The following METTL15 variants were observed in gnomAD, a reference collection of about 807,000 sequenced individuals.
METTL15 encodes 12S rRNA N(4)-cytidine methyltransferase METTL15.
A neutral mutation model predicts 38.3 loss-of-function variants in METTL15; 34 were observed. That is an observed-to-expected ratio of 0.89 (90% CI 0.68 to 1.18). The LOEUF is 1.18. METTL15 is among the 50% of genes most tolerant of loss of function. The pLI is 0.00. For missense variants in METTL15, 438 were observed against 498.4 expected (o/e 0.88, Z 1.15); for synonymous variants, 162 against 170.9 (o/e 0.95, Z 0.41).
intron 3 of METTL15, among the ~76,000 whole-genome samples, chr11:28,342,759 C>A (rs1849964318): frequency 6.6e-6 from 1 of 152,140 alleles, no homozygotes; most frequent in Non-Finnish European, 1.5e-5. Context: ...AACTGATTCA[C>A]CTAAATGGGA....
chr11:28,121,608 T>C (rs1379214152), intron 3 of METTL15, among the ~76,000 whole-genome samples: 2 of 152,158 alleles, frequency 1.3e-5, no homozygotes, highest in African/African-American at 4.8e-5. Flanking sequence ...TAGAAGCGAA[T>C]TATCTTTTTG....
At chr11:28,265,127 T>C (rs769502620) in intron 4 of METTL15, among the ~76,000 whole-genome samples, 2 of 152,094 alleles carry the variant, frequency 1.3e-5, no homozygotes, top group African/African-American at 2.4e-5. Context: ...TTATGAAAGA[T>C]GGCTGCTACC....
chr11:28,258,019 T>C (rs956765796), intron 4 of METTL15, among the ~76,000 whole-genome samples: 19 of 152,208 alleles, frequency 1.2e-4, no homozygotes, highest in African/African-American at 4.1e-4. Context: ...TTTGTACCCA[T>C]CTTTCTTGGG....
intron 5 of METTL15, among the ~76,000 whole-genome samples, chr11:28,395,250 A>G (rs538660079): frequency 2.6e-5 from 4 of 152,240 alleles, no homozygotes; most frequent in African/African-American, 9.6e-5. Context: ...AGATTCTGAT[A>G]TTCAGAGGTG....
At chr11:28,129,668 C>A (rs1852670909) in intron 3 of METTL15, among the ~76,000 whole-genome samples, 1 of 152,150 alleles carries the variant, frequency 6.6e-6, no homozygotes, top group South Asian at 2.1e-4. Context: ...TCTGTGCCTT[C>A]CAAAGTGCTG....
chr11:28,326,771 T>C (rs1001457071), intron 6 of METTL15, among the ~76,000 whole-genome samples: 2 of 151,786 alleles, frequency 1.3e-5, no homozygotes, highest in South Asian at 2.1e-4. Context: ...GTTTTTGTTT[T>C]TGTTTTTGTT....
chr11:28,188,567 C>T (rs116122413), intron 3 of METTL15, among the ~76,000 whole-genome samples: 192 of 151,176 alleles, frequency 1.3e-3, no homozygotes, highest in African/African-American at 4.4e-3. Flanking sequence ...ATTGTTGAAT[C>T]TAAGTACTGA....
intron 5 of METTL15, among the ~76,000 whole-genome samples, chr11:28,424,057 T>G (rs915926633): frequency 2.0e-5 from 3 of 152,118 alleles, no homozygotes; most frequent in African/African-American, 4.8e-5. Flanking sequence ...CCTAGCCATA[T>G]GCTTTGCATT....
chr11:28,109,444 T>A (rs201696593), intron 1 of METTL15, among the ~76,000 whole-genome samples: 6 of 152,216 alleles, frequency 3.9e-5, no homozygotes, highest in African/African-American at 1.2e-4. Flanking sequence ...GGTCTCTCAG[T>A]TAATTCTCAA....
intron 6 of METTL15, among the ~76,000 whole-genome samples, chr11:28,314,990 T>C (rs1295366029): frequency 2.0e-5 from 3 of 152,200 alleles, no homozygotes; most frequent in Non-Finnish European, 4.4e-5. Context: ...ATTAAACCTC[T>C]TTCTTCTGTA....
chr11:28,152,685 A>G (rs894517044), intron 3 of METTL15, among the ~76,000 whole-genome samples: 1 of 152,026 alleles, frequency 6.6e-6, no homozygotes, highest in African/African-American at 2.4e-5. Flanking sequence ...ATATAAAATG[A>G]TGTCATATTT....
chr11:28,454,385 G>T (rs571833689), intron 6 of METTL15, among the ~76,000 whole-genome samples: 45 of 152,318 alleles, frequency 3.0e-4, no homozygotes, highest in Admixed American at 9.8e-4. Flanking sequence ...CAGCTGTACT[G>T]ATATGCTTCT....
intron 4 of METTL15, among the ~76,000 whole-genome samples, chr11:28,233,346 T>C (rs1853772916): frequency 6.6e-6 from 1 of 152,096 alleles, no homozygotes; most frequent in Non-Finnish European, 1.5e-5. Flanking sequence ...AATATGAAAA[T>C]ACATGTTTAA....
chr11:28,405,045 A>T (rs1424016514), intron 5 of METTL15, among the ~76,000 whole-genome samples: 1 of 152,162 alleles, frequency 6.6e-6, no homozygotes, highest in Non-Finnish European at 1.5e-5. Context: ...TCTAGTTTAA[A>T]TCATTCATTG....
At position 28,254,396 on chromosome 11, in the gene METTL15, T is replaced by A. The variant is rs549216541; in HGVS notation, c.408-35810T>A. Among the ~76,000 whole-genome samples the A allele has an allele frequency of 2.0e-5, 3 of 152,306 alleles. No individual in the cohort carries two copies. The South Asian group carries it at 6.2e-4, about 32-fold the overall frequency. ...TTCTGGTTGTTAATCCCTTGTCAGG[T>A]GGGTAGTTCATAAAGTATTTTCTTC... is the stretch of plus-strand genomic sequence containing the variant. On this transcript the variant is annotated intron_variant, in intron 4 of 6. Coordinates refer to ENST00000407364, the MANE Select transcript of METTL15 (RefSeq NM_001113528.2).
chr11:28,337,116 G>T (rs1481962388), downstream of METTL15, among the ~76,000 whole-genome samples: 1 of 152,034 alleles, frequency 6.6e-6, no homozygotes, highest in Non-Finnish European at 1.5e-5. Context: ...TATAGAAAAA[G>T]ATATAAAGAA....
At chr11:28,327,121 C>CA (rs1206704757) in intron 6 of METTL15, among the ~76,000 whole-genome samples, 1 of 152,026 alleles carries the variant, frequency 6.6e-6, no homozygotes, top group Non-Finnish European at 1.5e-5. Context: ...AGAGAAGTAC[C>CA]AAAAAAGCTC....
At chr11:28,435,150 C>T (rs1451446334) in intron 6 of METTL15, among the ~76,000 whole-genome samples, 1 of 152,182 alleles carries the variant, frequency 6.6e-6, no homozygotes, top group East Asian at 1.9e-4. Flanking sequence ...ATACATTCCT[C>T]CTTTCCCAGG....
chr11:28,418,470 G>C (rs1850791756), intron 5 of METTL15, among the ~76,000 whole-genome samples: 1 of 152,124 alleles, frequency 6.6e-6, no homozygotes, highest in African/African-American at 2.4e-5. Flanking sequence ...ACTAGAGGTT[G>C]GATGCCATAG....
Sources: gnomAD v4.1 joint callset for allele counts (sites outside exome capture counted in the v4.1 genomes callset) on GRCh38, gnomAD v4.1.1 for gene constraint, MANE v1.5 for transcripts, NCBI Gene and HGNC (gene_info 2026-07-23, HGNC 2026-07-21) for gene names.